Variants in NUBPL observed in about 807,000 individuals in gnomAD.
NUBPL encodes the protein NUBP iron-sulfur cluster assembly factor, mitochondrial, also known as iron-sulfur cluster transfer protein NUBPL.
In NUBPL, 31 loss-of-function variants were observed where a neutral mutation model predicts 45.7. The observed-to-expected ratio is 0.68, with a 90% CI of 0.51 to 0.92. The LOEUF is 0.92. Ranked by LOEUF, NUBPL falls within the 40% of genes least tolerant of loss-of-function variation. The probability of loss-of-function intolerance (pLI) is 0.00; values close to 1 mark genes in which losing one functional copy is unlikely to be tolerated. For synonymous variants in NUBPL, 144 were observed against 140.9 expected (o/e 1.02, Z -0.15); for missense variants, 401 against 398.7 (o/e 1.01, Z -0.05).
intron 4 of NUBPL, among the ~76,000 whole-genome samples, chr14:31,657,147 A>T (rs2036160198): frequency 6.6e-6 from 1 of 152,234 alleles, no homozygotes; most frequent in South Asian, 2.1e-4. Context: ...CTTCAAATGT[A>T]GCCAGTAACC....
intron 10 of NUBPL, among the ~76,000 whole-genome samples, chr14:31,857,931 G>T (rs113119431): frequency 2.6e-5 from 4 of 152,218 alleles, no homozygotes; most frequent in African/African-American, 9.6e-5. Flanking sequence ...ACATTTTCGG[G>T]TATCTTTTCA....
In NUBPL at chr14:31,598,212, A is replaced by C. The variant is rs562544701; in HGVS notation, c.292-1077A>C. On this transcript the variant is annotated intron_variant, in intron 3 of 10. Transcript: ENST00000281081. ...CAGTTTTAGTCAGTATAAAGTTGGA[A>C]ACACAAATGTTAGATTTACCTTATT... 2.6e-5 allele frequency among the ~76,000 whole-genome samples: 4 copies of C among 152,328 alleles called. No individual in the cohort carries two copies. In the South Asian group the frequency reaches 8.3e-4, roughly 32 times the overall value.
intron 6 of NUBPL, among the ~76,000 whole-genome samples, chr14:31,710,436 C>T (rs921628271): frequency 6.6e-6 from 1 of 152,160 alleles, no homozygotes; most frequent in African/African-American, 2.4e-5. Context: ...AGCAGAAACA[C>T]TAGCTTTTCT....
At chr14:31,613,701 C>G (rs2034822371) in intron 4 of NUBPL, among the ~76,000 whole-genome samples, 1 of 152,096 alleles carries the variant, frequency 6.6e-6, no homozygotes, top group African/African-American at 2.4e-5. Context: ...TGTGATCCTC[C>G]TGCCTCAGCC....
chr14:31,761,162 A>G (rs1595595151), intron 6 of NUBPL, among the ~76,000 whole-genome samples: 1 of 152,076 alleles, frequency 6.6e-6, no homozygotes, highest in African/African-American at 2.4e-5. Context: ...CAAGCTTACA[A>G]TATTTAAGAA....
chr14:31,857,404 C>T (rs888761637), intron 10 of NUBPL, among the ~76,000 whole-genome samples: 1 of 152,134 alleles, frequency 6.6e-6, no homozygotes, highest in Non-Finnish European at 1.5e-5. Context: ...GCCCTGGAGA[C>T]GTTTTCCCCA....
chr14:31,691,497 A>G (rs1184727418), intron 6 of NUBPL, among the ~76,000 whole-genome samples: 1 of 152,164 alleles, frequency 6.6e-6, no homozygotes, highest in Non-Finnish European at 1.5e-5. Context: ...TGTTGTTCAA[A>G]GGTCAATTGT....
intron 8 of NUBPL, chr14:31,845,875 A>T (rs1476220576): frequency 6.5e-6 from 1 of 153,444 alleles, no homozygotes. Flanking sequence ...TTGTCATCAA[A>T]GATAAATTTC....
At chr14:31,720,992 A>G (rs2037796158) in intron 6 of NUBPL, among the ~76,000 whole-genome samples, 1 of 152,194 alleles carries the variant, frequency 6.6e-6, no homozygotes, top group Non-Finnish European at 1.5e-5. Context: ...TTTTATCACT[A>G]GCACCTAGAA....
chr14:31,665,654 G>A (rs1329895617), intron 4 of NUBPL, among the ~76,000 whole-genome samples: 1 of 152,182 alleles, frequency 6.6e-6, no homozygotes, highest in African/African-American at 2.4e-5. Flanking sequence ...TGCCAATTAT[G>A]TGGTCAGTTT....
At chr14:31,663,621 G>A (rs10142910) in intron 4 of NUBPL, among the ~76,000 whole-genome samples, 5,576 of 152,038 alleles carry the variant, frequency 0.037, 134 homozygotes, top group African/African-American at 0.078. Flanking sequence ...TACCAGTATC[G>A]TGCTGTTTTG....
chr14:31,807,695 C>T (rs762322025), intron 7 of NUBPL, among the ~76,000 whole-genome samples: 1 of 152,162 alleles, frequency 6.6e-6, no homozygotes, highest in Non-Finnish European at 1.5e-5. Flanking sequence ...GAAGTCCTTA[C>T]CTGTGCTTAT....
intron 7 of NUBPL, among the ~76,000 whole-genome samples, chr14:31,804,421 G>T (rs1209656281): frequency 6.6e-6 from 1 of 152,136 alleles, no homozygotes; most frequent in Non-Finnish European, 1.5e-5. Flanking sequence ...TTCCCCAGAT[G>T]ATTCTTATTT....
chr14:31,798,308 T>A (rs985134857), intron 7 of NUBPL, among the ~76,000 whole-genome samples: 4 of 150,000 alleles, frequency 2.7e-5, no homozygotes, highest in African/African-American at 9.8e-5. Context: ...TTATGGTTTT[T>A]TTTTTTTTTT....
chr14:31,567,436 GTAGA>G (rs1435076730), intron 3 of NUBPL, among the ~76,000 whole-genome samples: 2 of 152,090 alleles, frequency 1.3e-5, no homozygotes, highest in African/African-American at 4.8e-5. Flanking sequence ...AACCTGTTAG[GTAGA>G]TACTGACCTT....
intron 4 of NUBPL, among the ~76,000 whole-genome samples, chr14:31,646,977 G>A (rs2035872788): frequency 6.6e-6 from 1 of 151,808 alleles, no homozygotes; most frequent in South Asian, 2.1e-4. Context: ...GCTTGATCCA[G>A]TCTGCTGCTG....
chr14:31,691,802 T>A (rs1269783350), intron 6 of NUBPL, among the ~76,000 whole-genome samples: 2 of 152,174 alleles, frequency 1.3e-5, no homozygotes, highest in Non-Finnish European at 2.9e-5. Flanking sequence ...GAAGATGGTT[T>A]GTCAATGCCT....
At chr14:31,788,535 G>C (rs2039325151) in intron 7 of NUBPL, among the ~76,000 whole-genome samples, 1 of 152,144 alleles carries the variant, frequency 6.6e-6, no homozygotes, top group Non-Finnish European at 1.5e-5. Context: ...TCTACTTAAT[G>C]GCATTGTTGC....
chr14:31,562,014 G>A, intron 1 of NUBPL, 54 bp from the exon 2 acceptor site: 1 of 1,534,514 alleles, frequency 6.5e-7, no homozygotes. Flanking sequence ...TTTACAGTGT[G>A]ATGATGGAGA....
Sources: allele counts gnomAD v4.1 joint callset (sites outside exome capture counted in the v4.1 genomes callset), GRCh38; gene constraint gnomAD v4.1.1; transcripts MANE v1.5; gene names NCBI Gene and HGNC (gene_info 2026-07-23, HGNC 2026-07-21).